Variants in USP9X observed in about 807,000 individuals in gnomAD.
The protein encoded by USP9X is ubiquitin carboxyl-terminal hydrolase 9X.
In USP9X, 7 loss-of-function variants were observed where a neutral mutation model predicts 190.3. The observed-to-expected ratio is 0.04, with a 90% confidence interval of 0.02 to 0.07. The LOEUF (loss-of-function observed/expected upper bound fraction) is 0.07, where lower values mean the gene tolerates loss of function less well. Among genes scored for constraint, USP9X ranks in the 10% least tolerant of loss-of-function variants. USP9X has a pLI of 1.00. For missense variants in USP9X, 1,010 were observed against 1,916.9 expected, an observed-to-expected ratio of 0.53 and a Z score of 8.83; for synonymous variants, 645 against 659.5, an observed-to-expected ratio of 0.98 and a Z score of 0.34.
chrX:41,186,984 C>T (rs1041533449), intron 24 of USP9X, among the ~76,000 whole-genome samples: 8 of 108,640 alleles, frequency 7.4e-5, no homozygotes, highest in African/African-American at 2.7e-4. Flanking sequence ...CACACCCACC[C>T]CCCCATGCCC....
At chrX:41,230,878 G>GT (rs771743667) in intron 44 of USP9X, among the ~76,000 whole-genome samples, 6 of 111,341 alleles carry the variant, frequency 5.4e-5, no homozygotes, top group African/African-American at 9.8e-5. Context: ...AATGATCATT[G>GT]TTTAGTGCAA....
chrX:41,154,689 C>T (rs760624602), intron 14 of USP9X, among the ~76,000 whole-genome samples: 40 of 111,704 alleles, frequency 3.6e-4, no homozygotes, highest in African/African-American at 1.3e-3. Flanking sequence ...TGCATAGTTG[C>T]CTAGGTCTGA....
chrX:41,179,468 T>C (rs1056513578), intron 21 of USP9X, among the ~76,000 whole-genome samples: 2 of 112,055 alleles, frequency 1.8e-5, no homozygotes, highest in African/African-American at 3.2e-5. Context: ...TTCTCCTCCT[T>C]GCTTAAATTT....
chrX:41,142,918 TAGAG>T (rs34231678), intron 9 of USP9X, among the ~76,000 whole-genome samples: 14,153 of 110,985 alleles, frequency 0.13, 840 homozygotes, highest in East Asian at 0.21. Flanking sequence ...AAGTAAAAAA[TAGAG>T]AGCCTTTTTA....
At chrX:41,230,650 A>G in intron 44 of USP9X, 54 bp downstream of exon 44, 4 of 980,807 alleles carry the variant, frequency 4.1e-6, no homozygotes, top group Non-Finnish European at 5.7e-6. Flanking sequence ...TTTATGCTTA[A>G]TTTTAGAGGA....
intron 32 of USP9X, among the ~76,000 whole-genome samples, chrX:41,206,127 A>C (rs946415232): frequency 9.0e-6 from 1 of 110,698 alleles, no homozygotes; most frequent in African/African-American, 3.3e-5. Context: ...TCCTGACCTC[A>C]GGTGATTCCC....
At position 41,112,576 on chromosome X, in the gene USP9X, GAAT is replaced by G. The variant is rs901115622; in HGVS notation, c.-158-10890_-158-10888del. 3.6e-4 allele frequency among the ~76,000 whole-genome samples: 40 copies of G among 111,322 alleles called. 1 individual carries two copies. The highest frequency in any genetic ancestry group is 3.2e-3 in the Admixed American group (34 of 10,476). On this transcript the variant is annotated intron_variant, in intron 1 of 44. Coordinates refer to ENST00000378308, the MANE Select transcript of USP9X (RefSeq NM_001039591.3). Reference sequence around the variant, plus strand: ...CAAGTAAGTACTTAAAACTTTTCAAGAATAATATACAAACTAAGAACTGGAAAG... The same window carrying G: ...CAAGTAAGTACTTAAAACTTTTCAAGAATATACAAACTAAGAACTGGAAAG...
At chrX:41,095,111 C>T (rs2061980350) in intron 1 of USP9X, among the ~76,000 whole-genome samples, 1 of 110,845 alleles carries the variant, frequency 9.0e-6, no homozygotes. Flanking sequence ...AAGGGATGCT[C>T]AACCTGTGCC....
rs1265574358 is a variant in USP9X, at chrX:41,166,152, G to A, written c.2266G>A (p.Ala756Thr). 2.5e-6 allele frequency: 3 copies of A among 1,207,860 alleles called. No homozygotes were observed. Among genetic ancestry groups the A allele is most frequent in the Admixed American group, 2.2e-5 (1 of 45,080 alleles). Residue 756 changes from alanine to threonine, a missense_variant, in exon 16 of 45, where the codon GCA (alanine) becomes ACA (threonine). By Grantham distance (58) the Ala-to-Thr change is moderately conservative. Transcript: ENST00000378308. ...AVNCREGKLV[A>T]KRRAYMMDDL... ...GAATTGTCGAGAAGGAAAACTAGTA[G>A]CAAAAAGGAGAGCCTATATGATGGA...
intron 3 of USP9X, among the ~76,000 whole-genome samples, chrX:41,130,188 C>T (rs1291799816): frequency 9.0e-6 from 1 of 111,149 alleles, no homozygotes; most frequent in Non-Finnish European, 1.9e-5. Context: ...AATATTTTTC[C>T]TATTAATAAA....
chrX:41,223,179 C>G (rs373140525), intron 38 of USP9X, 38 bp from the exon 39 acceptor site: 33 of 1,164,900 alleles, frequency 2.8e-5, no homozygotes, highest in Non-Finnish European at 3.2e-5. Flanking sequence ...TATTTTTCTC[C>G]CTCTCTTTCT....
At chrX:41,202,811 C>T (rs762899184) in intron 31 of USP9X, among the ~76,000 whole-genome samples, 15 of 112,160 alleles carry the variant, frequency 1.3e-4, no homozygotes, top group East Asian at 5.6e-4. Flanking sequence ...GGTAATTGTA[C>T]TGGCAAGAAG....
chrX:41,127,652 CTG>C (rs766256006), intron 2 of USP9X, among the ~76,000 whole-genome samples: 1 of 112,048 alleles, frequency 8.9e-6, no homozygotes, highest in Non-Finnish European at 1.9e-5. Flanking sequence ...CACAGTTTTA[CTG>C]TGTTACTGTG....
At chrX:41,112,065 G>A (rs779337277) in intron 1 of USP9X, among the ~76,000 whole-genome samples, 10 of 111,414 alleles carry the variant, frequency 9.0e-5, no homozygotes, top group African/African-American at 2.9e-4. Flanking sequence ...GGCTGGTCTC[G>A]AACTCCCGAC....
chrX:41,205,267 T>C, intron 31 of USP9X, 36 bp from the exon 32 acceptor site: 1 of 1,061,636 alleles, frequency 9.4e-7, no homozygotes, highest in Non-Finnish European at 1.3e-6. Context: ...TATTTTATTA[T>C]ACTTTAGCTC....
rs372517093 is a variant in USP9X, at chrX:41,184,527, C to T, written c.3410C>T (p.Pro1137Leu). 5.0e-6 allele frequency: 6 copies of T among 1,208,597 alleles called. No individual in the cohort carries two copies. Among genetic ancestry groups the T allele is most frequent in the Middle Eastern group, 2.3e-4 (1 of 4,370 alleles). ...LSMLTRNNFL[P>L]NADMETRRGA... Reference sequence around the variant, plus strand: ...ATGCTAACCAGAAATAACTTCCTACCGAATGCAGATATGGAAACTCGAAGG... The same window carrying T: ...ATGCTAACCAGAAATAACTTCCTACTGAATGCAGATATGGAAACTCGAAGG... The change falls in exon 23 of 45, where the codon CCG (proline) becomes CTG (leucine). Residue 1137 changes from proline to leucine, a missense_variant. By Grantham distance (98) the Pro-to-Leu change is moderately conservative (BLOSUM62 -3). This residue lies in a region of USP9X where 351 missense variants were observed against 480.8 expected (regional missense o/e 0.73). Coordinates refer to ENST00000378308, the MANE Select transcript of USP9X (RefSeq NM_001039591.3).
chrX:41,206,268 T>C (rs1277013280), intron 32 of USP9X, among the ~76,000 whole-genome samples: 5 of 112,174 alleles, frequency 4.5e-5, no homozygotes, highest in Non-Finnish European at 9.4e-5. Flanking sequence ...GTCTGTAGTG[T>C]CTGTCTCAAA....
chrX:41,232,277 A>AG, intron 44 of USP9X, 110 bp from the exon 45 acceptor site: 1 of 849,866 alleles, frequency 1.2e-6, no homozygotes, highest in South Asian at 3.3e-5. Flanking sequence ...GTATTTACAG[A>AG]GTAAGTCCCA....
chrX:41,170,386 T>C, intron 19 of USP9X, 84 bp from the exon 20 acceptor site: 1 of 1,110,979 alleles, frequency 9.0e-7, no homozygotes. Flanking sequence ...CTTTCGGATT[T>C]TTTGGTTGGT....
Sources: gnomAD v4.1 joint callset for allele counts (sites outside exome capture counted in the v4.1 genomes callset) on GRCh38, gnomAD v4.1.1 for gene constraint, gnomAD v4.1.1 regional missense constraint, MANE v1.5 for transcripts, NCBI Gene and HGNC (gene_info 2026-07-23, HGNC 2026-07-21) for gene names.